The following MEIKIN variants were observed in gnomAD, a reference collection of about 807,000 sequenced individuals.
The protein encoded by MEIKIN is meiosis-specific kinetochore protein.
chr5:131,813,769 G>A (rs542983153), intron 12 of MEIKIN, among the ~76,000 whole-genome samples: 1 of 152,030 alleles, frequency 6.6e-6, no homozygotes, highest in East Asian at 1.9e-4. Flanking sequence ...TGATTTGGCT[G>A]TATGGTCAGG....
intron 9 of MEIKIN, among the ~76,000 whole-genome samples, chr5:131,873,459 T>C (rs1750545236): frequency 6.6e-6 from 1 of 152,198 alleles, no homozygotes; most frequent in South Asian, 2.1e-4. Flanking sequence ...CTATCCTAAA[T>C]ATATATGCAC....
chr5:131,850,732 T>C (rs1258162152), intron 11 of MEIKIN, among the ~76,000 whole-genome samples: 2 of 151,280 alleles, frequency 1.3e-5, no homozygotes, highest in Non-Finnish European at 2.9e-5. Flanking sequence ...TTGAAGAAAA[T>C]ACAGGGCAAT....
chr5:131,816,652 C>T (rs1193287834), intron 12 of MEIKIN, among the ~76,000 whole-genome samples: 1 of 152,172 alleles, frequency 6.6e-6, no homozygotes, highest in Non-Finnish European at 1.5e-5. Context: ...TTCAACCTCT[C>T]TTTAATGTTT....
chr5:131,867,206 T>A (rs1750398878), intron 9 of MEIKIN, among the ~76,000 whole-genome samples: 1 of 152,224 alleles, frequency 6.6e-6, no homozygotes, highest in African/African-American at 2.4e-5. Flanking sequence ...AAAAAATTAA[T>A]GAATTTTATT....
intron 9 of MEIKIN, among the ~76,000 whole-genome samples, chr5:131,877,413 C>T (rs530733695): frequency 7.4e-4 from 113 of 152,162 alleles, no homozygotes; most frequent in South Asian, 6.2e-3. Flanking sequence ...GAGGTTGAAG[C>T]GGGTGGATCG....
At chr5:131,820,897 CT>C (rs1303074576) in intron 11 of MEIKIN, among the ~76,000 whole-genome samples, 6 of 152,046 alleles carry the variant, frequency 3.9e-5, no homozygotes, top group Admixed American at 2.0e-4. Flanking sequence ...CTTGGGTCTT[CT>C]TTTTTTCTTA....
chr5:131,943,759 A>C (rs907163823), intron 3 of MEIKIN, among the ~76,000 whole-genome samples: 8 of 152,178 alleles, frequency 5.3e-5, no homozygotes, highest in Non-Finnish European at 1.5e-5. Context: ...GCCTTTTAAA[A>C]AAATGTCTTG....
intron 7 of MEIKIN, among the ~76,000 whole-genome samples, chr5:131,912,407 T>C (rs2149643913): frequency 6.6e-6 from 1 of 152,116 alleles, no homozygotes; most frequent in African/African-American, 2.4e-5. Flanking sequence ...TTTTTTTATT[T>C]TGTACTTCTA....
At chr5:131,903,951 C>A in intron 8 of MEIKIN, among the ~76,000 whole-genome samples, 2 of 150,326 alleles carry the variant, frequency 1.3e-5, no homozygotes. Flanking sequence ...AAAAATCTAC[C>A]AAGCCAATTA....
At chr5:131,872,141 G>A (rs575783440) in intron 9 of MEIKIN, among the ~76,000 whole-genome samples, 17 of 152,290 alleles carry the variant, frequency 1.1e-4, no homozygotes, top group African/African-American at 3.6e-4. Context: ...GAACAAAGCT[G>A]GACGGAGAAT....
intron 11 of MEIKIN, among the ~76,000 whole-genome samples, chr5:131,849,879 A>G (rs1750081963): frequency 6.6e-6 from 1 of 152,152 alleles, no homozygotes; most frequent in Admixed American, 6.5e-5. Flanking sequence ...AGCAAGAAGT[A>G]AAATTATCTC....
chr5:131,862,382 T>A (rs1750301564), intron 9 of MEIKIN, among the ~76,000 whole-genome samples: 1 of 152,150 alleles, frequency 6.6e-6, no homozygotes, highest in South Asian at 2.1e-4. Context: ...TTTATCTTTT[T>A]GAACAACGAA....
intron 3 of MEIKIN, 138 bp from the exon 4 acceptor site, chr5:131,942,833 G>A (rs1391204964): frequency 2.7e-6 from 1 of 370,518 alleles, no homozygotes; most frequent in East Asian, 3.9e-5. Flanking sequence ...CATTCATTCA[G>A]TTTATTGTTC....
At chr5:131,829,464 C>T (rs1162886498) in intron 11 of MEIKIN, among the ~76,000 whole-genome samples, 1 of 152,076 alleles carries the variant, frequency 6.6e-6, no homozygotes, top group African/African-American at 2.4e-5. Flanking sequence ...AGAGCAATAG[C>T]ACCCTATGGG....
Position 131,927,403 on chromosome 5 carries a change from T to A in MEIKIN, c.479-5462A>T, listed in dbSNP as rs1368040096. ...ACATAATGTGATCTATTATGGAGAA[T>A]GTCCTATCTGTGCATGAGAGAAATA... is the stretch of plus-strand genomic sequence containing the variant. On this transcript the variant is annotated intron_variant, in intron 5 of 12. Coordinates refer to ENST00000442687, the MANE Select transcript of MEIKIN (RefSeq NM_001303622.2). Among the ~76,000 whole-genome samples, 3 of 152,212 alleles carry A rather than the reference T, an allele frequency of 2.0e-5. No homozygotes were observed. The East Asian group carries it at 5.8e-4, about 29-fold the overall frequency.
intron 9 of MEIKIN, among the ~76,000 whole-genome samples, chr5:131,863,469 G>A (rs917383419): frequency 1.3e-5 from 2 of 150,808 alleles, no homozygotes; most frequent in African/African-American, 4.9e-5. Context: ...ACATCTGAGT[G>A]CAGCATTGTT....
intron 8 of MEIKIN, among the ~76,000 whole-genome samples, chr5:131,895,989 T>A (rs1462360316): frequency 6.6e-6 from 1 of 152,230 alleles, no homozygotes; most frequent in Non-Finnish European, 1.5e-5. Context: ...GGGTGTCGAT[T>A]TTGGATCTCT....
chr5:131,939,174 G>C (rs572184480), intron 4 of MEIKIN, among the ~76,000 whole-genome samples: 192 of 152,252 alleles, frequency 1.3e-3, no homozygotes, highest in Non-Finnish European at 1.8e-3. Flanking sequence ...AGACTACCAG[G>C]GTGGGAAGAA....
At chr5:131,839,464 T>G (rs950554605) in intron 11 of MEIKIN, among the ~76,000 whole-genome samples, 1 of 152,306 alleles carries the variant, frequency 6.6e-6, no homozygotes, top group East Asian at 1.9e-4. Context: ...TTGAAGTCTC[T>G]GACTATTATT....
Sources: gnomAD v4.1 joint callset for allele counts (sites outside exome capture counted in the v4.1 genomes callset) on GRCh38, gnomAD v4.1.1 for gene constraint, MANE v1.5 for transcripts, NCBI Gene and HGNC (gene_info 2026-07-23, HGNC 2026-07-21) for gene names.